The following NCOA1 variants were observed in gnomAD, a reference collection of about 807,000 sequenced individuals.
NCOA1 encodes nuclear receptor coactivator 1.
NCOA1 carries 35 observed loss-of-function variants against 150.9 expected under a neutral mutation model. The ratio of observed to expected loss-of-function variants is 0.23; its 90% CI spans 0.18 to 0.31. The LOEUF (loss-of-function observed/expected upper bound fraction) is 0.31. Among genes scored for constraint, NCOA1 ranks in the 10% least tolerant of loss-of-function variants. NCOA1 has a pLI of 1.00. For missense variants in NCOA1, 1,491 were observed against 1,749.3 expected (o/e 0.85, Z 2.63); for synonymous variants, 590 against 630.0 (o/e 0.94, Z 0.95).
chr2:24,606,954 G>C (rs761857767), intron 3 of NCOA1, among the ~76,000 whole-genome samples: 1 of 152,114 alleles, frequency 6.6e-6, no homozygotes, highest in Non-Finnish European at 1.5e-5. Flanking sequence ...ATCAGATAAG[G>C]CATTGCCATT....
chr2:24,567,899 A>G (rs1489730637), intron 2 of NCOA1, among the ~76,000 whole-genome samples: 3 of 152,132 alleles, frequency 2.0e-5, no homozygotes, highest in African/African-American at 7.2e-5. Context: ...GTGCACAACC[A>G]CACCTGGCTA....
Position 24,707,514 on chromosome 2 carries a change from T to A in NCOA1, c.2044T>A (p.Ser682Thr). The stretch of plus-strand genomic sequence containing the variant: ...AGGTTCTTGTCCCTCTTCTCATAGC[T>A]CATTGACAGAACGGCATAAAATTCT... ...SGGSCPSSHS[S>T]LTERHKILHR... The change falls in exon 13 of 23, where the codon TCA (serine) becomes ACA (threonine). Residue 682 changes from serine (S) to threonine (T), a missense_variant. Transcript: ENST00000348332. 1 of 1,614,142 alleles carries A rather than the reference T, an allele frequency of 6.2e-7. No homozygotes were observed. The highest frequency in any genetic ancestry group is 8.5e-7 in the Non-Finnish European group (1 of 1,180,014).
At chr2:24,532,621 A>C (rs1436138784) in intron 1 of NCOA1, among the ~76,000 whole-genome samples, 1 of 152,162 alleles carries the variant, frequency 6.6e-6, no homozygotes, top group Non-Finnish European at 1.5e-5. Flanking sequence ...TCTTGAAGTA[A>C]TTTTTGTATA....
At chr2:24,603,351 A>G (rs192723751) in intron 3 of NCOA1, among the ~76,000 whole-genome samples, 6 of 152,270 alleles carry the variant, frequency 3.9e-5, no homozygotes, top group Admixed American at 1.3e-4. Flanking sequence ...GCTTGTGGCA[A>G]TTTCTTCAAA....
intron 3 of NCOA1, among the ~76,000 whole-genome samples, chr2:24,586,803 T>G (rs1410978922): frequency 6.6e-6 from 1 of 152,170 alleles, no homozygotes; most frequent in East Asian, 1.9e-4. Flanking sequence ...AACTTGGAAT[T>G]AGATCTCTGT....
chr2:24,740,809 A>G (rs1228909716), intron 18 of NCOA1, among the ~76,000 whole-genome samples: 1 of 152,222 alleles, frequency 6.6e-6, no homozygotes, highest in Non-Finnish European at 1.5e-5. Flanking sequence ...GTCTTATTTC[A>G]TAGTTTCTTC....
chr2:24,551,849 TG>T (rs1665844575), intron 1 of NCOA1, among the ~76,000 whole-genome samples: 1 of 152,194 alleles, frequency 6.6e-6, no homozygotes, highest in Admixed American at 6.5e-5. Context: ...TTTTTGTTTT[TG>T]TTTTTGTTTT....
chr2:24,675,378 TAGAA>T (rs1671857888), intron 7 of NCOA1, among the ~76,000 whole-genome samples: 1 of 152,204 alleles, frequency 6.6e-6, no homozygotes. Flanking sequence ...AATGGTCTCT[TAGAA>T]AGAACCATCT....
intron 1 of NCOA1, among the ~76,000 whole-genome samples, chr2:24,559,421 A>G (rs1666207974): frequency 6.6e-6 from 1 of 152,054 alleles, no homozygotes; most frequent in Non-Finnish European, 1.5e-5. Context: ...TCATCTTCCA[A>G]CAGTCTTTGC....
At chr2:24,584,153 CATAA>C (rs546152813) in intron 2 of NCOA1, among the ~76,000 whole-genome samples, 237 of 152,072 alleles carry the variant, frequency 1.6e-3, no homozygotes, top group Middle Eastern at 6.8e-3. Flanking sequence ...CACCGTACCC[CATAA>C]ATATAGTTAC....
In NCOA1 at chr2:24,697,652, G is replaced by T. The variant is rs765104308; in HGVS notation, c.809-6G>T. On this transcript the variant is annotated splice_polypyrimidine_tract_variant and splice_region_variant and intron_variant, in intron 10 of 22. Transcript: ENST00000348332. Reference sequence around the variant, plus strand: ...TTATAAATATAAACTTTCATTCTTTGTACAGGTAAAATCATCTCTATTGAT... The same window carrying T: ...TTATAAATATAAACTTTCATTCTTTTTACAGGTAAAATCATCTCTATTGAT... 6 of 1,605,082 alleles carry T rather than the reference G, an allele frequency of 3.7e-6. No individual in the cohort carries two copies. The highest frequency in any genetic ancestry group is 5.1e-6 in the Non-Finnish European group (6 of 1,174,104).
intron 5 of NCOA1, chr2:24,659,039 A>T (rs1056230770): frequency 3.0e-6 from 1 of 334,662 alleles, no homozygotes; most frequent in Non-Finnish European, 5.6e-6. Flanking sequence ...TCCTTCCATA[A>T]CTGTTAGATC....
In NCOA1 at chr2:24,576,149, GTTTTTTTTTTTTTGTTTTTTGTT is replaced by G. The variant is rs768890184; in HGVS notation, c.-259-8313_-259-8291del. Among the ~76,000 whole-genome samples, 360 of 93,980 alleles carry G rather than the reference GTTTTTTTTTTTTTGTTTTTTGTT, an allele frequency of 3.8e-3. 5 individuals are homozygous for G. The highest frequency in any genetic ancestry group is 8.3e-3 in the Admixed American group (72 of 8,680). The allele number at this position is 93,980 out of a possible 152,430, so 61.7% of individuals were successfully genotyped here. ...GAGTTTCAGAAATTATTTGGCCTTT[GTTTTTTTTTTTTTGTTTTTTGTT>G]TTTTTTTTTTTTTTTTTTTGTTTGC... is the stretch of plus-strand genomic sequence containing the variant. On this transcript the variant is annotated intron_variant, in intron 2 of 22. Coordinates refer to ENST00000348332, the MANE Select transcript of NCOA1 (RefSeq NM_003743.5).
chr2:24,580,781 A>G lies in NCOA1; in HGVS notation c.-259-3695A>G, dbSNP rs572956076. Among the ~76,000 whole-genome samples, 4 of 152,274 alleles carry G rather than the reference A, an allele frequency of 2.6e-5. No individual in the cohort carries two copies. The South Asian group carries it at 6.2e-4, about 24-fold the overall frequency. On this transcript the variant is annotated intron_variant, in intron 2 of 22. Coordinates refer to ENST00000348332, the MANE Select transcript of NCOA1 (RefSeq NM_003743.5). ...ATTTTAACACCTCCATCATCTTGGT[A>G]TTGGCATCTGTGGATTGCCTTTTTT... is the stretch of plus-strand genomic sequence containing the variant.
intron 3 of NCOA1, among the ~76,000 whole-genome samples, chr2:24,596,901 TG>T: frequency 6.6e-6 from 1 of 152,322 alleles, no homozygotes; most frequent in Middle Eastern, 3.4e-3. Context: ...TTAATCCATT[TG>T]GCTTTTCAAA....
intron 14 of NCOA1, among the ~76,000 whole-genome samples, chr2:24,716,898 T>C (rs931722577): frequency 1.3e-5 from 2 of 152,214 alleles, no homozygotes; most frequent in Admixed American, 1.3e-4. Flanking sequence ...CTAACTCATA[T>C]TGTAAAACAC....
chr2:24,641,755 C>T (rs1014325082), intron 3 of NCOA1, among the ~76,000 whole-genome samples: 2 of 151,986 alleles, frequency 1.3e-5, no homozygotes, highest in Non-Finnish European at 2.9e-5. Flanking sequence ...TTGTATGTGA[C>T]GTGCTACCTT....
chr2:24,670,429 C>T (rs534259860), intron 6 of NCOA1, among the ~76,000 whole-genome samples: 1 of 152,256 alleles, frequency 6.6e-6, no homozygotes, highest in South Asian at 2.1e-4. Flanking sequence ...CCCATACGTC[C>T]ATCAGCTGAT....
intron 4 of NCOA1, among the ~76,000 whole-genome samples, chr2:24,658,170 A>G (rs1671028127): frequency 6.6e-6 from 1 of 152,234 alleles, no homozygotes; most frequent in African/African-American, 2.4e-5. Context: ...CTAGTTTATC[A>G]CTTTAACTTA....
Sources: gnomAD v4.1 joint callset for allele counts (sites outside exome capture counted in the v4.1 genomes callset) on GRCh38, gnomAD v4.1.1 for gene constraint, MANE v1.5 for transcripts, NCBI Gene and HGNC (gene_info 2026-07-23, HGNC 2026-07-21) for gene names.